The following IGFL4 variants were observed in gnomAD, a reference collection of about 807,000 sequenced individuals.
The protein encoded by IGFL4 is IGF like family member 4.
Under a neutral mutation model 15.4 loss-of-function variants are expected in IGFL4, and 12 were observed. The observed-to-expected ratio is 0.78, with a 90% CI of 0.50 to 1.26. IGFL4 has a LOEUF of 1.26. IGFL4 is among the 50% of genes most tolerant of loss of function. The probability of loss-of-function intolerance (pLI) is 0.00; values close to 1 mark genes in which losing one functional copy is unlikely to be tolerated. For missense variants in IGFL4, 126 were observed against 147.8 expected (o/e 0.85, Z 0.76); for synonymous variants, 54 against 55.9 (o/e 0.97, Z 0.16).
At chr19:46,059,348 A>G (rs1323584579) in intron 2 of IGFL4, 1 of 152,162 alleles carries the variant, frequency 6.6e-6, no homozygotes, top group Non-Finnish European at 1.5e-5. Context: ...ATGAAGATCC[A>G]TATTCTGTAA....
At chr19:46,069,235 T>A (rs1438226717) in intron 1 of IGFL4, among the ~76,000 whole-genome samples, 1 of 152,178 alleles carries the variant, frequency 6.6e-6, no homozygotes, top group African/African-American at 2.4e-5. Flanking sequence ...TTTCCCCCAA[T>A]TTTCTCTCCA....
intron 2 of IGFL4, among the ~76,000 whole-genome samples, chr19:46,048,700 C>A (rs1049088887): frequency 6.6e-6 from 1 of 152,016 alleles, no homozygotes; most frequent in Non-Finnish European, 1.5e-5. Context: ...CCTAAGAATA[C>A]AGCTAACAAG....
upstream of IGFL4, among the ~76,000 whole-genome samples, chr19:46,044,346 A>G (rs1969277551): frequency 1.3e-5 from 2 of 152,140 alleles, no homozygotes; most frequent in African/African-American, 2.4e-5. Flanking sequence ...CCCTCCATAC[A>G]TATTTCTATG....
chr19:46,042,949 T>G (rs1432863032), upstream of IGFL4, among the ~76,000 whole-genome samples: 1 of 152,040 alleles, frequency 6.6e-6, no homozygotes, highest in Non-Finnish European at 1.5e-5. Flanking sequence ...GACCAGAGAG[T>G]GTTCTGCCAT....
intron 2 of IGFL4, among the ~76,000 whole-genome samples, chr19:46,048,186 G>A (rs1054205405): frequency 6.6e-6 from 1 of 152,172 alleles, no homozygotes; most frequent in African/African-American, 2.4e-5. Flanking sequence ...TATCTCAATA[G>A]ATGCAGAAAA....
At chr19:46,076,904 G>T (rs1333161148) in intron 1 of IGFL4, 2 of 152,144 alleles carry the variant, frequency 1.3e-5, no homozygotes, top group African/African-American at 2.4e-5. Flanking sequence ...CACAAAGAGG[G>T]TGTGAGATTC....
intron 2 of IGFL4, among the ~76,000 whole-genome samples, chr19:46,053,415 A>T (rs1969366167): frequency 6.6e-6 from 1 of 152,124 alleles, no homozygotes. Context: ...GGGTTTTACC[A>T]TGTTGGCCAG....
At chr19:46,068,589 G>C (rs1477045164) in intron 1 of IGFL4, among the ~76,000 whole-genome samples, 1 of 152,204 alleles carries the variant, frequency 6.6e-6, no homozygotes, top group Non-Finnish European at 1.5e-5. Context: ...GTTTGTTGAA[G>C]GGTTTCAAAG....
chr19:46,059,909 T>TGG (rs1969428637), intron 2 of IGFL4: 1 of 152,186 alleles, frequency 6.6e-6, no homozygotes. Flanking sequence ...CAAGATAACC[T>TGG]GGGGCTCCTG....
upstream of IGFL4, chr19:46,041,215 C>T (rs1969240093): frequency 4.4e-6 from 2 of 452,734 alleles, no homozygotes; most frequent in Admixed American, 4.0e-5. Context: ...AGGGTAAAGG[C>T]TACCCAGGAA....
chr19:46,071,707 C>T (rs1382764447), intron 1 of IGFL4, among the ~76,000 whole-genome samples: 2 of 152,172 alleles, frequency 1.3e-5, no homozygotes, highest in Non-Finnish European at 2.9e-5. Flanking sequence ...CAACAAAGAC[C>T]TTTCTAAAAT....
chr19:46,067,254 C>G (rs2146527179), intron 1 of IGFL4, among the ~76,000 whole-genome samples: 2 of 152,346 alleles, frequency 1.3e-5, no homozygotes, highest in African/African-American at 4.8e-5. Flanking sequence ...CCTAACACTA[C>G]TATCTGGACA....
intron 2 of IGFL4, among the ~76,000 whole-genome samples, chr19:46,051,980 A>G (rs986640934): frequency 6.6e-6 from 1 of 152,228 alleles, no homozygotes; most frequent in African/African-American, 2.4e-5. Context: ...TCCCAAATTT[A>G]TAAAACAATT....
At position 46,065,337 on chromosome 19, in the gene IGFL4, T is replaced by G. The variant is rs1444468535; in HGVS notation, c.-431-5044A>C. Among the ~76,000 whole-genome samples the G allele has an allele frequency of 3.5e-5, 5 of 144,908 alleles. No individual in the cohort carries two copies. In the East Asian group the frequency reaches 1.0e-3, roughly 29 times the overall value. On this transcript the variant is annotated intron_variant, in intron 1 of 5. Transcript: ENST00000601672. Reference sequence around the variant, plus strand: ...TTCTTTTCTTTTCTTTTCTTTTCTTTTTTGAGAGGGAGTCTCGCTCTGTCG... The same window carrying G: ...TTCTTTTCTTTTCTTTTCTTTTCTTGTTTGAGAGGGAGTCTCGCTCTGTCG...
intron 1 of IGFL4, among the ~76,000 whole-genome samples, chr19:46,073,098 C>G (rs1343531157): frequency 6.6e-6 from 1 of 152,142 alleles, no homozygotes; most frequent in African/African-American, 2.4e-5. Context: ...CCTGTAGATT[C>G]AACATTCATT....
chr19:46,045,058 T>G (rs148700127), upstream of IGFL4, among the ~76,000 whole-genome samples: 20 of 152,234 alleles, frequency 1.3e-4, no homozygotes, highest in East Asian at 2.7e-3. Flanking sequence ...CCAGAGTGCT[T>G]CTTCTCTTCC....
upstream of IGFL4, among the ~76,000 whole-genome samples, chr19:46,077,628 C>G (rs142416534): frequency 2.6e-3 from 401 of 152,378 alleles, no homozygotes; most frequent in African/African-American, 9.2e-3. This position sits in a 1 kb window ranked among gnomAD's most constrained non-coding sequence, Gnocchi z 5.4. Flanking sequence ...ACTACTTACA[C>G]TGCCGCCCCC....
chr19:46,055,729 GAATGGTAA>G (rs1481247865), intron 2 of IGFL4, among the ~76,000 whole-genome samples: 1 of 152,116 alleles, frequency 6.6e-6, no homozygotes, highest in Non-Finnish European at 1.5e-5. Context: ...TTTTACAGCT[GAATGGTAA>G]AAATTTAATT....
At chr19:46,045,613 C>T (rs577427486), upstream of IGFL4, among the ~76,000 whole-genome samples, 3 of 152,042 alleles carry the variant, frequency 2.0e-5, no homozygotes, top group African/African-American at 7.2e-5. Context: ...AACACAAGAA[C>T]TTCACAATGC....
Sources: gnomAD v4.1 joint callset for allele counts (sites outside exome capture counted in the v4.1 genomes callset) on GRCh38, gnomAD v4.1.1 for gene constraint, Gnocchi (gnomAD v3.1) non-coding constraint, MANE v1.5 for transcripts, NCBI Gene and HGNC (gene_info 2026-07-23, HGNC 2026-07-21) for gene names.